CCDC158: variants seen among roughly 807,000 people sequenced by gnomAD.
CCDC158 encodes coiled-coil domain containing 158.
A neutral mutation model predicts 138.6 loss-of-function variants in CCDC158; 116 were observed. The ratio of observed to expected loss-of-function variants is 0.84; its 90% CI spans 0.72 to 0.98. The LOEUF (loss-of-function observed/expected upper bound fraction) is 0.98, where lower values mean the gene tolerates loss of function less well. Among genes scored for constraint, CCDC158 ranks in the 50% least tolerant of loss-of-function variants. The pLI, the probability that CCDC158 is intolerant of heterozygous loss-of-function variation, is 0.00. For missense variants in CCDC158, 1,265 were observed against 1,306.1 expected, an observed-to-expected ratio of 0.97 and a Z score of 0.48; for synonymous variants, 436 against 442.4, an observed-to-expected ratio of 0.99 and a Z score of 0.18.
At chr4:76,377,919 A>G (rs1725864204) in intron 9 of CCDC158, among the ~76,000 whole-genome samples, 1 of 152,210 alleles carries the variant, frequency 6.6e-6, no homozygotes, top group African/African-American at 2.4e-5. Context: ...AGAACAGAAA[A>G]TAGCTGGCAT....
At chr4:76,323,204 A>G (rs1720199968) in intron 24 of CCDC158, 98 bp downstream of exon 24, 1 of 783,570 alleles carries the variant, frequency 1.3e-6, no homozygotes, top group Non-Finnish European at 2.1e-6. Context: ...TGTTAATTCA[A>G]TACCCTTTCA....
At chr4:76,369,196 CAG>C (rs1304340264) in intron 11 of CCDC158, among the ~76,000 whole-genome samples, 1 of 151,824 alleles carries the variant, frequency 6.6e-6, no homozygotes, top group Non-Finnish European at 1.5e-5. Flanking sequence ...GCCTGGGTGA[CAG>C]AGGAAGACGC....
Position 76,384,680 on chromosome 4 carries a change from C to T in CCDC158, c.289-15G>A, listed in dbSNP as rs543929800. On this transcript the variant is annotated splice_polypyrimidine_tract_variant and intron_variant, in intron 4 of 24. Transcript: ENST00000682701. Reference sequence around the variant, plus strand: ...AATTCATTGCTCTGAAAAAAAAAGCCATGCAAATTAATCTTCATTAGAGAA... The same window carrying T: ...AATTCATTGCTCTGAAAAAAAAAGCTATGCAAATTAATCTTCATTAGAGAA... The T allele has an allele frequency of 9.9e-5, 155 of 1,562,630 alleles. No individual in the cohort carries two copies. The highest frequency in any genetic ancestry group is 1.3e-4 in the Non-Finnish European group (149 of 1,137,018).
intron 24 of CCDC158, among the ~76,000 whole-genome samples, chr4:76,315,644 C>A (rs1199375339): frequency 6.6e-6 from 1 of 152,222 alleles, no homozygotes; most frequent in Non-Finnish European, 1.5e-5. Flanking sequence ...AATATCACTG[C>A]TAGCATAATC....
chr4:76,360,698 C>T lies in CCDC158; in HGVS notation c.2020+1428G>A, dbSNP rs142968092. ...CAATTTATCTCTTTTGGAACAGGAA[C>T]ATCTACCCAGTGCCTGTACCCTCCA... On this transcript the variant is annotated intron_variant, in intron 13 of 24. Coordinates refer to ENST00000682701, the MANE Select transcript of CCDC158 (RefSeq NM_001394954.1). 4.0e-3 allele frequency among the ~76,000 whole-genome samples: 602 copies of T among 152,360 alleles called. 6 individuals carry two copies. Among genetic ancestry groups the T allele is most frequent in the African/African-American group, 0.013 (561 of 41,582 alleles).
Position 76,328,964 on chromosome 4 carries a change from C to T in CCDC158, c.2946G>A (p.Glu982=). 6.2e-7 allele frequency: 1 copy of T among 1,613,182 alleles called. No homozygotes were observed. The highest frequency in any genetic ancestry group is 8.5e-7 in the Non-Finnish European group (1 of 1,179,228). ...TGTCTCCTGCGTGTAATGTGACTGG[C>T]TCTCTGGAAGCATAAGAATGGTAAT... is the stretch of plus-strand genomic sequence containing the variant. The part of the protein sequence containing the change: ...GSKSSETLSR[E]PVTLHAGDRE... Residue 982 remains glutamate, a synonymous_variant, in exon 22 of 25, where the codon GAG becomes GAA. Coordinates refer to ENST00000682701, the MANE Select transcript of CCDC158 (RefSeq NM_001394954.1).
intron 2 of CCDC158, among the ~76,000 whole-genome samples, chr4:76,410,975 AC>A (rs1336106639): frequency 6.6e-6 from 1 of 152,226 alleles, no homozygotes; most frequent in African/African-American, 2.4e-5. Flanking sequence ...AAGAGTGTAT[AC>A]CTCAAAAGAA....
chr4:76,409,778 C>T (rs536018865), intron 2 of CCDC158, among the ~76,000 whole-genome samples: 2 of 152,050 alleles, frequency 1.3e-5, no homozygotes, highest in East Asian at 1.9e-4. Context: ...TTGCAGTGAG[C>T]GGAGATCACG....
At chr4:76,393,301 T>C (rs960838245) in intron 4 of CCDC158, among the ~76,000 whole-genome samples, 9 of 151,668 alleles carry the variant, frequency 5.9e-5, no homozygotes, top group African/African-American at 2.2e-4. Flanking sequence ...AACAATAGAA[T>C]AGAATAGAGA....
chr4:76,367,211 T>C lies in CCDC158; in HGVS notation c.1830+83A>G, dbSNP rs186092593. 46 of 1,457,006 alleles carry C rather than the reference T, an allele frequency of 3.2e-5. No individual in the cohort carries two copies. In the African/African-American group the frequency reaches 6.2e-4, roughly 20 times the overall value. 90.3% of individuals were successfully genotyped at this position (1,457,006 alleles called of 1,614,324 possible). ...CCAACAGTTTCAGAGTGTCCACAGA[T>C]ACCAAGAACCACTTTTCAGTACAGG... On this transcript the variant is annotated intron_variant, in intron 12 of 24. Transcript: ENST00000682701.
intron 2 of CCDC158, among the ~76,000 whole-genome samples, chr4:76,405,190 G>A (rs28578183): frequency 6.6e-6 from 1 of 152,158 alleles, no homozygotes; most frequent in African/African-American, 2.4e-5. Flanking sequence ...GATTAGACTG[G>A]CACCAGGTTA....
At chr4:76,368,995 C>G (rs1014992368) in intron 11 of CCDC158, among the ~76,000 whole-genome samples, 5 of 151,898 alleles carry the variant, frequency 3.3e-5, no homozygotes, top group Non-Finnish European at 5.9e-5. Context: ...GTGGGCAGAT[C>G]ATGAGGTCAT....
Position 76,384,311 on chromosome 4 carries a change from CTG to C in CCDC158, c.501_502del (p.Asp167GlufsTer14). On this transcript the variant is annotated frameshift_variant, in exon 6 of 25. Transcript: ENST00000682701. LOFTEE classifies it high-confidence loss of function. ...TCGTAGTTGCTCTATCTGTGTGTTG[CTG>C]TCTTTCAGCATGTCCTCTTTAAGGC... The C allele has an allele frequency of 1.2e-6, 2 of 1,614,116 alleles. No homozygotes were observed. The highest frequency in any genetic ancestry group is 1.7e-6 in the Non-Finnish European group (2 of 1,179,996).
At position 76,355,351 on chromosome 4, in the gene CCDC158, C is replaced by CA; in HGVS notation, c.2258dup (p.Leu753PhefsTer10). ...TATTTGCATTTGTCATTGCCTCTTC[C>CA]AAAAACTGTATCTTGCTCTGAAGGG... On this transcript the variant is annotated frameshift_variant, in exon 15 of 25. Transcript: ENST00000682701. LOFTEE classifies it high-confidence loss of function. 6.2e-7 allele frequency: 1 copy of CA among 1,613,908 alleles called. No individual in the cohort carries two copies. Among genetic ancestry groups the CA allele is most frequent in the South Asian group, 1.1e-5 (1 of 91,082 alleles).
At chr4:76,410,931 G>A (rs1372107740) in intron 2 of CCDC158, among the ~76,000 whole-genome samples, 2 of 152,260 alleles carry the variant, frequency 1.3e-5, no homozygotes, top group East Asian at 1.9e-4. Context: ...ATGACTATAC[G>A]AGGGAGATAA....
chr4:76,388,080 C>T (rs993890294), intron 4 of CCDC158, among the ~76,000 whole-genome samples: 1 of 152,024 alleles, frequency 6.6e-6, no homozygotes, highest in Admixed American at 6.6e-5. Flanking sequence ...AGCAGTGATA[C>T]CCTGAGAGTA....
intron 1 of CCDC158, among the ~76,000 whole-genome samples, chr4:76,413,387 A>G (rs866757097): frequency 6.6e-6 from 1 of 151,290 alleles, no homozygotes; most frequent in Non-Finnish European, 1.5e-5. Context: ...AGGTGGGAGT[A>G]TAACCTCAGC....
intron 2 of CCDC158, among the ~76,000 whole-genome samples, chr4:76,406,321 G>A (rs151136395): frequency 1.4e-4 from 21 of 152,238 alleles, no homozygotes; most frequent in Middle Eastern, 3.4e-3. Context: ...CAATCACTTG[G>A]ATAAAGCATA....
intron 1 of CCDC158, among the ~76,000 whole-genome samples, chr4:76,414,904 T>C (rs1729572297): frequency 6.6e-6 from 1 of 152,124 alleles, no homozygotes. Context: ...GTACCAGTAG[T>C]GTGGGGCATT....
Sources: gnomAD v4.1 joint callset for allele counts (sites outside exome capture counted in the v4.1 genomes callset) on GRCh38, gnomAD v4.1.1 for gene constraint, MANE v1.5 for transcripts, NCBI Gene and HGNC (gene_info 2026-07-23, HGNC 2026-07-21) for gene names.